SEMA6D: variants seen among roughly 807,000 people sequenced by gnomAD.
The protein encoded by SEMA6D is semaphorin 6D.
Under a neutral mutation model 106.6 loss-of-function variants are expected in SEMA6D, and 35 were observed. That is an observed-to-expected ratio of 0.33 (90% CI 0.25 to 0.44). The LOEUF (loss-of-function observed/expected upper bound fraction) is 0.44. SEMA6D is among the 20% of genes least tolerant of loss of function. The pLI is 1.00. For synonymous variants in SEMA6D, 499 were observed against 487.7 expected (o/e 1.02, Z -0.31); for missense variants, 1,185 against 1,345.9 (o/e 0.88, Z 1.87).
intron 4 of SEMA6D, among the ~76,000 whole-genome samples, chr15:47,624,489 A>T (rs1046681364): frequency 6.6e-6 from 1 of 152,196 alleles, no homozygotes; most frequent in Admixed American, 6.6e-5. Context: ...GTGAAAATAG[A>T]TGGGGTTACC....
At chr15:47,317,867 C>T (rs773689800) in intron 1 of SEMA6D, among the ~76,000 whole-genome samples, 2 of 151,922 alleles carry the variant, frequency 1.3e-5, no homozygotes, top group African/African-American at 2.4e-5. Context: ...TGCTTTTCTC[C>T]GAGCTTTTGG....
chr15:47,567,066 T>C (rs979366457), intron 3 of SEMA6D, among the ~76,000 whole-genome samples: 1 of 152,184 alleles, frequency 6.6e-6, no homozygotes, highest in Non-Finnish European at 1.5e-5. Context: ...CACCAGTATT[T>C]ATAGTGGCTG....
chr15:47,754,016 T>A (rs2081584464), intron 1 of SEMA6D, among the ~76,000 whole-genome samples: 1 of 152,156 alleles, frequency 6.6e-6, no homozygotes. Context: ...ACTATCTAGT[T>A]TTCAGGGAGA....
intron 4 of SEMA6D, among the ~76,000 whole-genome samples, chr15:47,679,422 G>A (rs2145557108): frequency 6.6e-6 from 1 of 152,208 alleles, no homozygotes; most frequent in Non-Finnish European, 1.5e-5. Context: ...ATAAAAAAAA[G>A]TACTTCTTTG....
At chr15:47,285,473 A>G (rs2035317583) in intron 1 of SEMA6D, among the ~76,000 whole-genome samples, 1 of 151,758 alleles carries the variant, frequency 6.6e-6, no homozygotes, top group Non-Finnish European at 1.5e-5. Flanking sequence ...AAGAATATAG[A>G]TGTTTGAAAA....
chr15:47,462,270 G>T (rs955300287), intron 2 of SEMA6D, among the ~76,000 whole-genome samples: 2 of 152,022 alleles, frequency 1.3e-5, no homozygotes, highest in South Asian at 4.1e-4. Context: ...ATTATGACTC[G>T]TTTCACCAAC....
intron 4 of SEMA6D, among the ~76,000 whole-genome samples, chr15:47,694,253 C>T (rs1236182527): frequency 6.6e-6 from 1 of 152,062 alleles, no homozygotes; most frequent in Non-Finnish European, 1.5e-5. Context: ...TCTAATGCAG[C>T]AATACTTTAC....
Position 47,240,781 on chromosome 15 carries a change from G to A in SEMA6D, c.-239+56363G>A, listed in dbSNP as rs981612712. Among the ~76,000 whole-genome samples, 3 of 152,124 alleles carry A rather than the reference G, an allele frequency of 2.0e-5. No individual in the cohort carries two copies. The South Asian group carries it at 6.2e-4, about 32-fold the overall frequency. The stretch of plus-strand genomic sequence containing the variant: ...TATTTGCCAAAAATTCAAATTCATT[G>A]ATTAGTCAAGGCCAAACATTTTGAG... On this transcript the variant is annotated intron_variant, in intron 1 of 19. Coordinates refer to the SEMA6D transcript ENST00000558014.
intron 1 of SEMA6D, among the ~76,000 whole-genome samples, chr15:47,411,143 T>A (rs408865): frequency 2.6e-5 from 4 of 151,012 alleles, no homozygotes; most frequent in Admixed American, 6.6e-5. Context: ...TTGCCCAGGC[T>A]GGAGTGCAGT....
chr15:47,648,195 A>T (rs536075090), intron 4 of SEMA6D, among the ~76,000 whole-genome samples: 81 of 152,300 alleles, frequency 5.3e-4, no homozygotes, highest in Admixed American at 3.1e-3. Context: ...TTGAGAAAAA[A>T]ACATCTATGC....
chr15:47,422,196 T>G (rs111595778), intron 2 of SEMA6D, among the ~76,000 whole-genome samples: 1,445 of 143,786 alleles, frequency 0.01, 32 homozygotes, highest in African/African-American at 0.037. Flanking sequence ...CTTCCTTCCT[T>G]CCTTCCTTCC....
intron 1 of SEMA6D, among the ~76,000 whole-genome samples, chr15:47,226,835 T>A: frequency 6.6e-6 from 1 of 152,074 alleles, no homozygotes; most frequent in East Asian, 1.9e-4. Context: ...CAGAACCCAA[T>A]CCTTCATCTC....
intron 3 of SEMA6D, among the ~76,000 whole-genome samples, chr15:47,541,369 C>G (rs1441807988): frequency 2.0e-5 from 3 of 152,116 alleles, no homozygotes; most frequent in African/African-American, 7.2e-5. Context: ...CAAAAAAATT[C>G]AAGATGAAAG....
Position 47,587,075 on chromosome 15 carries a change from G to A in SEMA6D, c.-86-13790G>A, listed in dbSNP as rs569676616. Among the ~76,000 whole-genome samples, 110 of 152,244 alleles carry A rather than the reference G, an allele frequency of 7.2e-4. 3 individuals are homozygous for A. Among genetic ancestry groups the A allele is most frequent in the Admixed American group, 5.2e-4 (8 of 15,292 alleles). On this transcript the variant is annotated intron_variant, in intron 3 of 19. Coordinates refer to the SEMA6D transcript ENST00000558014. ...TATAGGAGCAGCAGACGGGAAGAAG[G>A]AGCTTCAGCATTCGTTGATGGGCCC...
chr15:47,427,519 G>C (rs1358173098), intron 2 of SEMA6D, among the ~76,000 whole-genome samples: 1 of 152,156 alleles, frequency 6.6e-6, no homozygotes, highest in Non-Finnish European at 1.5e-5. Flanking sequence ...GGAAAATCTT[G>C]ATCTCAGAAA....
chr15:47,406,657 CATCAGTTA>C (rs2146102632), intron 1 of SEMA6D, among the ~76,000 whole-genome samples: 1 of 151,512 alleles, frequency 6.6e-6, no homozygotes, highest in African/African-American at 2.4e-5. Context: ...GGGTACAAAC[CATCAGTTA>C]TAAGATGAGT....
chr15:47,534,546 A>C (rs2045091055), intron 3 of SEMA6D, among the ~76,000 whole-genome samples: 1 of 152,202 alleles, frequency 6.6e-6, no homozygotes, highest in Non-Finnish European at 1.5e-5. Flanking sequence ...ATTTTCATTT[A>C]AAATAAATAG....
In SEMA6D at chr15:47,318,568, T is replaced by C. The variant is rs553420896; in HGVS notation, c.-238-93825T>C. 1.9e-3 allele frequency among the ~76,000 whole-genome samples: 284 copies of C among 149,890 alleles called. 1 individual carries two copies. The highest frequency in any genetic ancestry group is 6.7e-3 in the African/African-American group (272 of 40,810). On this transcript the variant is annotated intron_variant, in intron 1 of 19. Transcript: ENST00000558014. ...TTACTGAGAATGATGATTTCCAATTTCATTTATGTCCCTACAAAGGACATG... is the reference window on the plus strand; with the variant it reads ...TTACTGAGAATGATGATTTCCAATTCCATTTATGTCCCTACAAAGGACATG...
At chr15:47,606,363 ATAGT>A (rs2076782263) in intron 4 of SEMA6D, 1 of 152,168 alleles carries the variant, frequency 6.6e-6, no homozygotes, top group Non-Finnish European at 1.5e-5. Flanking sequence ...AGGCCTGGAG[ATAGT>A]TCTCTGTGTG....
Sources: allele counts gnomAD v4.1 joint callset (sites outside exome capture counted in the v4.1 genomes callset), GRCh38; gene constraint gnomAD v4.1.1; transcripts MANE v1.5; gene names NCBI Gene and HGNC (gene_info 2026-07-23, HGNC 2026-07-21).